PCDHGA1: variants seen among roughly 807,000 people sequenced by gnomAD.
PCDHGA1 encodes the protein protocadherin gamma-A1.
A neutral mutation model predicts 58.0 loss-of-function variants in PCDHGA1; 32 were observed. The observed-to-expected ratio is 0.55, with a 90% CI of 0.42 to 0.74. The LOEUF (loss-of-function observed/expected upper bound fraction) is 0.74. Ranked by LOEUF, PCDHGA1 falls within the 30% of genes least tolerant of loss-of-function variation. PCDHGA1 has a pLI of 0.00. For synonymous variants in PCDHGA1, 498 were observed against 501.1 expected (o/e 0.99, Z 0.08); for missense variants, 1,205 against 1,182.3 (o/e 1.02, Z -0.28).
At chr5:141,417,129 T>C (rs887933624) in intron 1 of PCDHGA1, 2 of 152,218 alleles carry the variant, frequency 1.3e-5, no homozygotes, top group South Asian at 2.1e-4. Context: ...TGGATGATGG[T>C]AATGACTAGG....
At chr5:141,415,458 C>G (rs2095871921) in intron 1 of PCDHGA1, 7 of 1,614,204 alleles carry the variant, frequency 4.3e-6, no homozygotes, top group Non-Finnish European at 5.1e-6. Context: ...CCCACGAGGT[C>G]TCTCTCACCG....
intron 1 of PCDHGA1, chr5:141,366,740 C>T (rs541987209): frequency 1.9e-5 from 30 of 1,611,948 alleles, no homozygotes; most frequent in Non-Finnish European, 2.3e-5. Context: ...CAAAGAAGAA[C>T]GGCGAGTTCA....
At chr5:141,450,355 C>T (rs943649682) in intron 1 of PCDHGA1, among the ~76,000 whole-genome samples, 2 of 152,090 alleles carry the variant, frequency 1.3e-5, no homozygotes, top group Non-Finnish European at 2.9e-5. Context: ...TGAAACAGTT[C>T]CTCAGCCTTG....
chr5:141,431,256 C>T lies in PCDHGA1; in HGVS notation c.2422-63551C>T. The stretch of plus-strand genomic sequence containing the variant: ...TGGGATCCGGATATCGGGAAGAACT[C>T]TCTGCAGAGCTACGAGCTCAGCCCG... On this transcript the variant is annotated intron_variant, in intron 1 of 3. Transcript: ENST00000517417. This position sits in a 1 kb window ranked among gnomAD's most constrained non-coding sequence, Gnocchi z 4.8. The T allele has an allele frequency of 6.2e-7, 1 of 1,614,194 alleles. No homozygotes were observed. Among genetic ancestry groups the T allele is most frequent in the South Asian group, 1.1e-5 (1 of 91,088 alleles).
chr5:141,355,452 G>T (rs371481857), intron 1 of PCDHGA1: 5 of 1,613,958 alleles, frequency 3.1e-6, no homozygotes, highest in Non-Finnish European at 4.2e-6. Context: ...GCGGCACCTT[G>T]GTCACCGCGG....
chr5:141,389,695 A>G, intron 1 of PCDHGA1: 1 of 1,612,564 alleles, frequency 6.2e-7, no homozygotes, highest in Non-Finnish European at 8.5e-7. Context: ...TGGCTGTCCT[A>G]CCACGTGCTG....
Position 141,428,104 on chromosome 5 carries a change from T to C in PCDHGA1, c.2422-66703T>C, listed in dbSNP as rs751953406. ...AACGCTTGGCTGTCCTACCACGTGCTGCAGGCCATCGAGCCCGGGCTTTTC... is the reference window on the plus strand; with the variant it reads ...AACGCTTGGCTGTCCTACCACGTGCCGCAGGCCATCGAGCCCGGGCTTTTC... On this transcript the variant is annotated intron_variant, in intron 1 of 3. Coordinates refer to ENST00000517417, the MANE Select transcript of PCDHGA1 (RefSeq NM_018912.3). The C allele has an allele frequency of 1.9e-6, 3 of 1,608,398 alleles. No individual in the cohort carries two copies. The South Asian group carries it at 3.3e-5, about 18-fold the overall frequency.
chr5:141,392,929 C>T (rs1474626800), intron 1 of PCDHGA1: 6 of 1,613,770 alleles, frequency 3.7e-6, no homozygotes, highest in Non-Finnish European at 5.1e-6. Flanking sequence ...CCAGAAGAGA[C>T]GGACAAAGGC....
chr5:141,396,620 A>C (rs1222901061), intron 1 of PCDHGA1: 1 of 142,662 alleles, frequency 7.0e-6, no homozygotes, highest in Admixed American at 7.0e-5. Flanking sequence ...ACTCCGTCTC[A>C]AAAAAAAAAA....
At chr5:141,446,447 A>G (rs2098502204) in intron 1 of PCDHGA1, among the ~76,000 whole-genome samples, 1 of 151,946 alleles carries the variant, frequency 6.6e-6, no homozygotes, top group Non-Finnish European at 1.5e-5. Context: ...AACAGTGCAG[A>G]TATTCAGTGT....
chr5:141,356,111 T>TG (rs755507945), intron 1 of PCDHGA1: 42 of 1,613,700 alleles, frequency 2.6e-5, no homozygotes, highest in African/African-American at 8.0e-5. Context: ...ATAACAATAT[T>TG]GGGGGGTCTA....
Position 141,330,792 on chromosome 5 carries a change from G to A in PCDHGA1, c.108G>A (p.Pro36=), listed in dbSNP as rs751479148. 1.2e-5 allele frequency: 20 copies of A among 1,614,060 alleles called. No homozygotes were observed. The highest frequency in any genetic ancestry group is 1.6e-5 in the Non-Finnish European group (19 of 1,180,050). ...AGAGNIHYSV[P]EETDKGSFVG... is the part of the protein sequence containing the mutation. ...CTGGGAATATTCACTACTCAGTGCC[G>A]GAAGAGACAGACAAAGGTTCCTTCG... Residue 36 remains proline (P), a synonymous_variant, in exon 1 of 4, where the codon CCG becomes CCA. Coordinates refer to ENST00000517417, the MANE Select transcript of PCDHGA1 (RefSeq NM_018912.3).
At chr5:141,460,842 C>T (rs1339558359) in intron 1 of PCDHGA1, among the ~76,000 whole-genome samples, 2 of 150,412 alleles carry the variant, frequency 1.3e-5, no homozygotes, top group African/African-American at 2.4e-5. Flanking sequence ...GTAATGGCCT[C>T]CAGTTCGATC....
chr5:141,330,897 G>A lies in PCDHGA1; in HGVS notation c.213G>A (p.Arg71=), dbSNP rs1357186567. 1.9e-6 allele frequency: 3 copies of A among 1,614,100 alleles called. No individual in the cohort carries two copies. The highest frequency in any genetic ancestry group is 2.5e-6 in the Non-Finnish European group (3 of 1,180,052). The change falls in exon 1 of 4, where the codon AGG becomes AGA. Residue 71 remains arginine, a synonymous_variant. Coordinates refer to ENST00000517417, the MANE Select transcript of PCDHGA1 (RefSeq NM_018912.3). ...GAGTCCGCATCGTCTCCAGAGGTAG[G>A]ATGCCGCTTTTCGCTCTGAATCCTA... ...DGGVRIVSRG[R]MPLFALNPRS...
intron 1 of PCDHGA1, chr5:141,428,035 A>C (rs776717344): frequency 6.2e-7 from 1 of 1,607,926 alleles, no homozygotes; most frequent in Non-Finnish European, 8.5e-7. Context: ...GAGTCCGGCT[A>C]CCTGGTGACC....
chr5:141,491,945 C>T lies in PCDHGA1; in HGVS notation c.2422-2862C>T. ...GAGGGGAGGTGGGACCGACCCCCAC[C>T]CCTACACTCAAAAAAGGCCGGGGCC... On this transcript the variant is annotated intron_variant, in intron 1 of 3. Coordinates refer to ENST00000517417, the MANE Select transcript of PCDHGA1 (RefSeq NM_018912.3). The surrounding 1 kb of genome is among the most constrained non-coding windows in gnomAD (Gnocchi z 6.9). 1.8e-6 allele frequency: 2 copies of T among 1,116,616 alleles called. No individual in the cohort carries two copies. 69.2% of individuals were successfully genotyped at this position (1,116,616 alleles called of 1,614,324 possible). A position where few individuals can be genotyped will look rare whatever the true frequency, so the allele number is the denominator to read the frequency against.
At chr5:141,389,664 G>T (rs1182835621) in intron 1 of PCDHGA1, 1 of 1,612,328 alleles carries the variant, frequency 6.2e-7, no homozygotes, top group African/African-American at 1.3e-5. Context: ...GGCGGTGGAC[G>T]CAGACTCAGG....
In PCDHGA1 at chr5:141,431,464, G is replaced by C. The variant is rs1413324509; in HGVS notation, c.2422-63343G>C. On this transcript the variant is annotated intron_variant, in intron 1 of 3. Coordinates refer to ENST00000517417, the MANE Select transcript of PCDHGA1 (RefSeq NM_018912.3). This position sits in a 1 kb window ranked among gnomAD's most constrained non-coding sequence, Gnocchi z 4.8. ...GCATCCGCGTGATGGTTCTGGATGCGAACGACAACGCACCAGCGTTTGCTC... is the reference window on the plus strand; with the variant it reads ...GCATCCGCGTGATGGTTCTGGATGCCAACGACAACGCACCAGCGTTTGCTC... The C allele has an allele frequency of 6.2e-7, 1 of 1,613,664 alleles. No individual in the cohort carries two copies. Among genetic ancestry groups the C allele is most frequent in the African/African-American group, 1.3e-5 (1 of 74,950 alleles).
chr5:141,374,724 C>A (rs1384151075), intron 1 of PCDHGA1: 1 of 1,610,030 alleles, frequency 6.2e-7, no homozygotes, highest in African/African-American at 1.3e-5. Context: ...GTCCTTACTG[C>A]CATGGATGGC....
Sources: gnomAD v4.1 joint callset for allele counts (sites outside exome capture counted in the v4.1 genomes callset) on GRCh38, gnomAD v4.1.1 for gene constraint, Gnocchi (gnomAD v3.1) non-coding constraint, MANE v1.5 for transcripts, NCBI Gene and HGNC (gene_info 2026-07-23, HGNC 2026-07-21) for gene names.